EPCIP: variants seen among roughly 807,000 people sequenced by gnomAD.
The protein encoded by EPCIP is exosomal polycystin 1 interacting protein, also known as exosomal polycystin-1-interacting protein.
the EPCIP span, among the ~76,000 whole-genome samples, chr21:32,796,392 A>G: frequency 1.6e-3 from 245 of 152,308 alleles, no homozygotes; most frequent in South Asian, 8.7e-3. Context: ...ATCCTCCAGG[A>G]TTTATCCTCA....
chr21:32,793,593 C>T, the EPCIP span: 3 of 710,932 alleles, frequency 4.2e-6, no homozygotes, highest in African/African-American at 3.5e-5. Context: ...GGGCACAGAG[C>T]AGAACAGAGA....
At chr21:32,810,682 T>G in the EPCIP span, 1 of 471,342 alleles carries the variant, frequency 2.1e-6, no homozygotes, top group South Asian at 1.5e-5. Flanking sequence ...ACCTAGATGC[T>G]GATGGTGAAC....
chr21:32,803,774 T>C, the EPCIP span, among the ~76,000 whole-genome samples: 2 of 152,214 alleles, frequency 1.3e-5, no homozygotes, highest in Admixed American at 6.5e-5. Flanking sequence ...TTATTTCTTC[T>C]TCACATTCCA....
At chr21:32,810,452 G>A in the EPCIP span, 4 of 316,562 alleles carry the variant, frequency 1.3e-5, no homozygotes, top group Admixed American at 8.2e-5. Flanking sequence ...TAGTGCAGAC[G>A]GGGTTTCACT....
At chr21:32,805,360 A>T in the EPCIP span, among the ~76,000 whole-genome samples, 38 of 149,874 alleles carry the variant, frequency 2.5e-4, no homozygotes, top group African/African-American at 4.4e-4. Context: ...TGTAGATTAT[A>T]TTTTTTTTTT....
chr21:32,801,693 A>G, the EPCIP span, among the ~76,000 whole-genome samples: 1 of 152,168 alleles, frequency 6.6e-6, no homozygotes, highest in African/African-American at 2.4e-5. Flanking sequence ...ATACAAAAAA[A>G]TTAGCTGGGC....
the EPCIP span, among the ~76,000 whole-genome samples, chr21:32,804,759 A>G: frequency 6.6e-6 from 1 of 152,218 alleles, no homozygotes; most frequent in Non-Finnish European, 1.5e-5. Context: ...GTCCTCCTGT[A>G]AATTCTGAGG....
At chr21:32,793,642 C>A in the EPCIP span, 3 of 868,078 alleles carry the variant, frequency 3.5e-6, no homozygotes, top group Non-Finnish European at 5.9e-6. Context: ...GCAAATGGAG[C>A]CTGCGGAGAG....
At chr21:32,793,667 G>T in the EPCIP span, 30 of 1,110,630 alleles carry the variant, frequency 2.7e-5, no homozygotes, top group Non-Finnish European at 4.2e-5. Context: ...ACAGTTGTGG[G>T]TAGGGATACC....
the EPCIP span, chr21:32,810,637 T>A: frequency 4.5e-5 from 21 of 471,716 alleles, no homozygotes; most frequent in South Asian, 3.3e-4. Flanking sequence ...TCCACTCTCT[T>A]GGTGCCTGCA....
the EPCIP span, among the ~76,000 whole-genome samples, chr21:32,800,837 AC>A: frequency 2.6e-5 from 4 of 151,980 alleles, no homozygotes; most frequent in African/African-American, 9.7e-5. Context: ...AAAAAAAAAA[AC>A]ATGCACAGTT....
the EPCIP span, among the ~76,000 whole-genome samples, chr21:32,804,814 AAATT>A: frequency 2.0e-5 from 3 of 152,324 alleles, no homozygotes; most frequent in African/African-American, 7.2e-5. Context: ...TGGAAAATAG[AAATT>A]AATTATCTGA....
the EPCIP span, among the ~76,000 whole-genome samples, chr21:32,794,951 C>T: frequency 6.6e-6 from 1 of 152,190 alleles, no homozygotes; most frequent in Non-Finnish European, 1.5e-5. Context: ...GGGAGACAAA[C>T]ACTTCTTTGT....
At chr21:32,800,042 G>A in the EPCIP span, among the ~76,000 whole-genome samples, 1 of 152,188 alleles carries the variant, frequency 6.6e-6, no homozygotes, top group African/African-American at 2.4e-5. Context: ...ATAAGGATTT[G>A]GAGAATGTCA....
chr21:32,809,300 C>CTTTCTTTCT, the EPCIP span, among the ~76,000 whole-genome samples: 2 of 125,052 alleles, frequency 1.6e-5, no homozygotes, highest in African/African-American at 2.9e-5. Context: ...TTCTTTCTTT[C>CTTTCTTTCT]TTTCTTTCTT....
At chr21:32,813,609 T>C in the EPCIP span, 1 of 471,188 alleles carries the variant, frequency 2.1e-6, no homozygotes, top group Non-Finnish European at 4.4e-6. Context: ...AGTTCCACCG[T>C]GAGGCCTCGC....
At chr21:32,810,845 G>A in the EPCIP span, among the ~76,000 whole-genome samples, 1 of 152,230 alleles carries the variant, frequency 6.6e-6, no homozygotes, top group East Asian at 1.9e-4. Context: ...TATGAGAAAT[G>A]TTACTGTACC....
chr21:32,810,608 G>A, the EPCIP span: 1 of 471,278 alleles, frequency 2.1e-6, no homozygotes, highest in Admixed American at 2.4e-5. Flanking sequence ...TCAGTGCATG[G>A]CTGTCTTCTG....
the EPCIP span, among the ~76,000 whole-genome samples, chr21:32,801,578 C>T: frequency 1.6e-4 from 24 of 152,082 alleles, no homozygotes; most frequent in African/African-American, 4.8e-4. Context: ...CAGTGGCTGA[C>T]GCCTGTAATT....
Sources: allele counts gnomAD v4.1 joint callset (sites outside exome capture counted in the v4.1 genomes callset), GRCh38; gene constraint gnomAD v4.1.1; transcripts MANE v1.5; gene names NCBI Gene and HGNC (gene_info 2026-07-23, HGNC 2026-07-21).